The following IPO9 variants were observed in gnomAD, a reference collection of about 807,000 sequenced individuals.
IPO9 encodes the protein importin-9.
In IPO9, 28 loss-of-function variants were observed where a neutral mutation model predicts 128.6. That is an observed-to-expected ratio of 0.22 (90% CI 0.16 to 0.30). The LOEUF is 0.30. IPO9 is among the 10% of genes least tolerant of loss of function. IPO9 has a pLI of 1.00. For missense variants in IPO9, 935 were observed against 1,293.9 expected, an observed-to-expected ratio of 0.72 and a Z score of 4.26; for synonymous variants, 455 against 475.8, an observed-to-expected ratio of 0.96 and a Z score of 0.57.
At chr1:201,831,605 T>C (rs1679833679) in intron 1 of IPO9, among the ~76,000 whole-genome samples, 1 of 152,308 alleles carries the variant, frequency 6.6e-6, no homozygotes, top group South Asian at 2.1e-4. Flanking sequence ...ATCTTTGACA[T>C]TGGGTTCAGA....
In IPO9 at chr1:201,870,793, C is replaced by G. The variant is rs1374905414; in HGVS notation, c.2344C>G (p.Leu782Val). Reference protein sequence around the residue: ...SKAGRELGENLDQILRAILSK... With the variant: ...SKAGRELGENVDQILRAILSK... ...GGCAGGGCGGGAACTCGGGGAGAATCTAGACCAGATTCTTCGTGCCATCCT... is the reference window on the plus strand; with the variant it reads ...GGCAGGGCGGGAACTCGGGGAGAATGTAGACCAGATTCTTCGTGCCATCCT... Residue 782 changes from leucine to valine, a missense_variant, in exon 18 of 24, where the codon CTA (leucine) becomes GTA (valine). Transcript: ENST00000361565. The surrounding 1 kb of genome is among the most constrained non-coding windows in gnomAD (Gnocchi z 4.9). 1 of 1,614,072 alleles carries G rather than the reference C, an allele frequency of 6.2e-7. No homozygotes were observed. Among genetic ancestry groups the G allele is most frequent in the East Asian group, 2.2e-5 (1 of 44,896 alleles).
chr1:201,830,658 G>A (rs1679817109), intron 1 of IPO9, among the ~76,000 whole-genome samples: 1 of 152,126 alleles, frequency 6.6e-6, no homozygotes, highest in African/African-American at 2.4e-5. Context: ...AATAAAATTC[G>A]TTTATGCACA....
chr1:201,861,933 C>T (rs1001340344), intron 13 of IPO9, among the ~76,000 whole-genome samples: 19 of 151,880 alleles, frequency 1.3e-4, no homozygotes, highest in African/African-American at 4.6e-4. Flanking sequence ...TGTTGGCTTG[C>T]AATATGAACA....
At chr1:201,842,074 T>G (rs1429755919) in intron 1 of IPO9, among the ~76,000 whole-genome samples, 3 of 152,022 alleles carry the variant, frequency 2.0e-5, no homozygotes, top group African/African-American at 4.8e-5. Context: ...TCCTACAGAT[T>G]GAAAGCTCAG....
chr1:201,839,577 A>AG (rs1187998742), intron 1 of IPO9, among the ~76,000 whole-genome samples: 1 of 151,178 alleles, frequency 6.6e-6, no homozygotes, highest in Non-Finnish European at 1.5e-5. Context: ...AAAAAAAAAA[A>AG]AAAAAAAGTG....
intron 4 of IPO9, chr1:201,850,437 T>C (rs1031039503): frequency 6.6e-6 from 1 of 152,206 alleles, no homozygotes; most frequent in African/African-American, 2.4e-5. Flanking sequence ...ATTAAACTTA[T>C]CTATTTATAG....
intron 21 of IPO9, 41 bp downstream of exon 21, chr1:201,874,413 A>G: frequency 1.3e-6 from 2 of 1,568,430 alleles, no homozygotes; most frequent in South Asian, 2.3e-5. Context: ...TTAGCCTGGC[A>G]GATCAAGTTA....
intron 13 of IPO9, among the ~76,000 whole-genome samples, chr1:201,859,875 A>G (rs1680410176): frequency 6.6e-6 from 1 of 151,872 alleles, no homozygotes; most frequent in Non-Finnish European, 1.5e-5. Context: ...CAGGAGAATC[A>G]CTTGAACCAG....
intron 11 of IPO9, among the ~76,000 whole-genome samples, chr1:201,858,128 G>A (rs1680369342): frequency 1.3e-5 from 2 of 152,190 alleles, no homozygotes; most frequent in Admixed American, 6.5e-5. Context: ...TCTATCATCA[G>A]TCTCCAAGAG....
intron 1 of IPO9, among the ~76,000 whole-genome samples, chr1:201,837,522 C>CT (rs1175699494): frequency 6.6e-6 from 1 of 152,110 alleles, no homozygotes; most frequent in East Asian, 1.9e-4. Context: ...TACCCTACAG[C>CT]TATATGAATA....
At chr1:201,875,073 C>T in intron 22 of IPO9, 79 bp from the exon 23 acceptor site, 2 of 1,411,658 alleles carry the variant, frequency 1.4e-6, no homozygotes, top group Admixed American at 3.3e-5. Context: ...CCGCCTCAGT[C>T]ATGTGGTAGT....
At chr1:201,837,248 A>G (rs1004325459) in intron 1 of IPO9, among the ~76,000 whole-genome samples, 1 of 152,192 alleles carries the variant, frequency 6.6e-6, no homozygotes, top group Non-Finnish European at 1.5e-5. Context: ...ATTAGAGTGA[A>G]GAGCTTCTAG....
At chr1:201,849,400 T>C (rs1680177742) in intron 4 of IPO9, among the ~76,000 whole-genome samples, 1 of 152,238 alleles carries the variant, frequency 6.6e-6, no homozygotes, top group South Asian at 2.1e-4. Flanking sequence ...TACTCTGTTT[T>C]GCCTTCAAGA....
rs1680622871 is a variant in IPO9, at chr1:201,870,272, A to AT, written c.2134-304dup. Among the ~76,000 whole-genome samples, 2 of 152,122 alleles carry AT rather than the reference A, an allele frequency of 1.3e-5. No homozygotes were observed. The highest frequency in any genetic ancestry group is 2.4e-5 in the African/African-American group (1 of 41,416). ...CCAGTTATTCCAAGATTGTAAGCAT[A>AT]TTTTTTTAGTACCAGAGGTAGACCT... is the stretch of plus-strand genomic sequence containing the variant. On this transcript the variant is annotated intron_variant, in intron 17 of 23. Coordinates refer to ENST00000361565, the MANE Select transcript of IPO9 (RefSeq NM_018085.5). This position sits in a 1 kb window ranked among gnomAD's most constrained non-coding sequence, Gnocchi z 4.9.
chr1:201,873,020 G>C, intron 20 of IPO9, 59 bp downstream of exon 20: 4 of 1,530,190 alleles, frequency 2.6e-6, no homozygotes, highest in Non-Finnish European at 3.5e-6. Flanking sequence ...AAGGATACCT[G>C]GGTGAAGGGA....
At chr1:201,837,351 A>G (rs543511477) in intron 1 of IPO9, among the ~76,000 whole-genome samples, 2 of 152,204 alleles carry the variant, frequency 1.3e-5, no homozygotes, top group Non-Finnish European at 2.9e-5. Flanking sequence ...AAAGACTTGG[A>G]ATTCTCTGGT....
At chr1:201,855,322 C>A in intron 9 of IPO9, 140 bp downstream of exon 9, 1 of 580,010 alleles carries the variant, frequency 1.7e-6, no homozygotes, top group Non-Finnish European at 3.1e-6. Flanking sequence ...TCGATGTATT[C>A]GATGTGGGGA....
In IPO9 at chr1:201,876,132, A is replaced by T. The variant is rs1186071972; in HGVS notation, c.*78A>T. ...GCAGCCCTCACTGGCCTTGAGATGC[A>T]CTTTCTTCTCAACCTAAAGTGGCAT... On this transcript the variant is annotated 3_prime_UTR_variant, in exon 24 of 24. Coordinates refer to ENST00000361565, the MANE Select transcript of IPO9 (RefSeq NM_018085.5). The T allele has an allele frequency of 3.1e-6, 3 of 961,094 alleles. No individual in the cohort carries two copies. In the African/African-American group the frequency reaches 4.8e-5, roughly 15 times the overall value. 59.5% of individuals were successfully genotyped at this position (961,094 alleles called of 1,614,324 possible).
intron 19 of IPO9, among the ~76,000 whole-genome samples, chr1:201,872,439 C>CA (rs1422127136): frequency 6.6e-6 from 1 of 151,688 alleles, no homozygotes; most frequent in East Asian, 2.0e-4. Context: ...CTGTGTCTAC[C>CA]AAAAAAATAC....
Sources: gnomAD v4.1 joint callset for allele counts (sites outside exome capture counted in the v4.1 genomes callset) on GRCh38, gnomAD v4.1.1 for gene constraint, Gnocchi (gnomAD v3.1) non-coding constraint, MANE v1.5 for transcripts, NCBI Gene and HGNC (gene_info 2026-07-23, HGNC 2026-07-21) for gene names.